PLXDC2: variants seen among roughly 807,000 people sequenced by gnomAD.
PLXDC2 encodes plexin domain containing 2.
PLXDC2 carries 40 observed loss-of-function variants against 68.9 expected under a neutral mutation model. The observed-to-expected ratio is 0.58, with a 90% confidence interval of 0.45 to 0.76. PLXDC2 has a LOEUF of 0.76. Among genes scored for constraint, PLXDC2 ranks in the 30% least tolerant of loss-of-function variants. The pLI, the probability that PLXDC2 is intolerant of heterozygous loss-of-function variation, is 0.00. For synonymous variants in PLXDC2, 243 were observed against 234.2 expected, an observed-to-expected ratio of 1.04 and a Z score of -0.34; for missense variants, 644 against 661.9, an observed-to-expected ratio of 0.97 and a Z score of 0.30.
rs1353277389 is a variant in PLXDC2, at chr10:20,115,472, C to T, written c.542-27823C>T. Among the ~76,000 whole-genome samples the T allele has an allele frequency of 2.0e-5, 3 of 152,048 alleles. No homozygotes were observed. The East Asian group carries it at 5.8e-4, about 29-fold the overall frequency. On this transcript the variant is annotated intron_variant, in intron 4 of 13. Coordinates refer to ENST00000377252, the MANE Select transcript of PLXDC2 (RefSeq NM_032812.9). ...TCTTTCTCAATAATGTGTAAATAGT[C>T]CTAAGGGTGATTATGTAATAAATAT...
intron 2 of PLXDC2, among the ~76,000 whole-genome samples, chr10:20,014,394 CCTTCCTTCCTT>C (rs1835171950): frequency 2.5e-5 from 1 of 39,730 alleles, no homozygotes; most frequent in Non-Finnish European, 5.5e-5. Context: ...TTCCTTCCTT[CCTTCCTTCCTT>C]CCTTCCTTCC....
At chr10:20,210,814 C>T (rs1018146712) in intron 9 of PLXDC2, among the ~76,000 whole-genome samples, 1 of 152,110 alleles carries the variant, frequency 6.6e-6, no homozygotes, top group African/African-American at 2.4e-5. Flanking sequence ...TTAATTTCCC[C>T]AATAACAATG....
At chr10:20,073,425 C>T (rs1371169773) in intron 4 of PLXDC2, among the ~76,000 whole-genome samples, 2 of 152,214 alleles carry the variant, frequency 1.3e-5, no homozygotes, top group African/African-American at 4.8e-5. Flanking sequence ...CATCGTTCCA[C>T]AGCCCCTCTT....
intron 13 of PLXDC2, 139 bp from the exon 14 acceptor site, chr10:20,279,564 C>G (rs886749408): frequency 7.3e-6 from 5 of 686,636 alleles, no homozygotes; most frequent in Non-Finnish European, 1.2e-5. Context: ...ATTCTTAATT[C>G]TGACTGTAGC....
intron 13 of PLXDC2, among the ~76,000 whole-genome samples, chr10:20,272,975 C>T (rs2681943): frequency 6.6e-6 from 1 of 152,118 alleles, no homozygotes; most frequent in Admixed American, 6.5e-5. Flanking sequence ...AAAGTTAATC[C>T]GGGTTTGGAA....
intron 6 of PLXDC2, among the ~76,000 whole-genome samples, chr10:20,149,059 C>G (rs1834115856): frequency 1.3e-5 from 2 of 151,710 alleles, no homozygotes; most frequent in Admixed American, 1.3e-4. Context: ...TTTCTTTGTC[C>G]AAGTGTATGG....
intron 12 of PLXDC2, among the ~76,000 whole-genome samples, chr10:20,234,674 T>TC (rs997120933): frequency 2.0e-5 from 3 of 150,630 alleles, no homozygotes; most frequent in African/African-American, 7.3e-5. Context: ...TTTTTTTTTT[T>TC]TTTTTTTCCT....
At chr10:20,243,538 G>A (rs182865247) in intron 12 of PLXDC2, among the ~76,000 whole-genome samples, 65 of 152,190 alleles carry the variant, frequency 4.3e-4, no homozygotes, top group African/African-American at 1.4e-3. Flanking sequence ...CAATAAAAAC[G>A]TAGAGGGGAG....
intron 1 of PLXDC2, among the ~76,000 whole-genome samples, chr10:19,908,849 G>A (rs961143385): frequency 1.3e-5 from 2 of 152,096 alleles, no homozygotes; most frequent in African/African-American, 2.4e-5. Flanking sequence ...GCCCCAGAAA[G>A]CTCTGTCCCT....
chr10:20,176,958 A>T, intron 7 of PLXDC2, 41 bp from the exon 8 acceptor site: 1 of 1,419,270 alleles, frequency 7.0e-7, no homozygotes, highest in South Asian at 1.2e-5. Context: ...TTTGTAAGCG[A>T]GGAAAGGTTA....
intron 1 of PLXDC2, among the ~76,000 whole-genome samples, chr10:19,848,178 G>T (rs936813589): frequency 6.6e-6 from 1 of 152,022 alleles, no homozygotes; most frequent in Non-Finnish European, 1.5e-5. Context: ...GTGTTCCCTG[G>T]CTTTTTCAGT....
At chr10:20,054,874 T>C (rs1835968560) in intron 3 of PLXDC2, among the ~76,000 whole-genome samples, 2 of 152,064 alleles carry the variant, frequency 1.3e-5, no homozygotes, top group African/African-American at 4.8e-5. Flanking sequence ...ACCAGATAGA[T>C]GGATGGATAG....
intron 4 of PLXDC2, among the ~76,000 whole-genome samples, chr10:20,127,210 G>A (rs1409052019): frequency 1.3e-5 from 2 of 152,060 alleles, no homozygotes; most frequent in African/African-American, 2.4e-5. Flanking sequence ...CTAAATGAAT[G>A]GGATTTATCT....
chr10:20,027,051 T>C (rs1835417791), intron 2 of PLXDC2, among the ~76,000 whole-genome samples: 1 of 132,980 alleles, frequency 7.5e-6, no homozygotes, highest in Admixed American at 7.9e-5. Context: ...TATATTCTAA[T>C]ATATAGAATA....
At chr10:19,920,695 C>G (rs1833446585) in intron 1 of PLXDC2, among the ~76,000 whole-genome samples, 3 of 152,096 alleles carry the variant, frequency 2.0e-5, no homozygotes, top group Non-Finnish European at 4.4e-5. Context: ...GTAGCTGAGA[C>G]CACAGGCATG....
chr10:19,876,940 G>C (rs1837643685), intron 1 of PLXDC2, among the ~76,000 whole-genome samples: 2 of 152,126 alleles, frequency 1.3e-5, no homozygotes, highest in African/African-American at 4.8e-5. Context: ...AAACGTATCT[G>C]ATCTTCTGGT....
At chr10:20,029,137 A>G (rs780296184) in intron 2 of PLXDC2, among the ~76,000 whole-genome samples, 6 of 152,128 alleles carry the variant, frequency 3.9e-5, no homozygotes, top group African/African-American at 1.4e-4. Context: ...TCTTACTTCT[A>G]TGAACCTTAT....
intron 8 of PLXDC2, 103 bp downstream of exon 8, chr10:20,177,197 T>C: frequency 7.4e-7 from 1 of 1,347,270 alleles, no homozygotes. Context: ...ACCATTATAA[T>C]TGTGTTTGGC....
intron 10 of PLXDC2, among the ~76,000 whole-genome samples, chr10:20,213,587 A>C (rs1835098153): frequency 2.0e-5 from 3 of 152,100 alleles, no homozygotes; most frequent in South Asian, 4.1e-4. Flanking sequence ...CTAACATTTT[A>C]TTGGAAATAC....
Sources: gnomAD v4.1 joint callset for allele counts (sites outside exome capture counted in the v4.1 genomes callset) on GRCh38, gnomAD v4.1.1 for gene constraint, MANE v1.5 for transcripts, NCBI Gene and HGNC (gene_info 2026-07-23, HGNC 2026-07-21) for gene names.